The following PCDHA7 variants were observed in gnomAD, a reference collection of about 807,000 sequenced individuals.
PCDHA7 encodes the protein protocadherin alpha-7.
A neutral mutation model predicts 57.2 loss-of-function variants in PCDHA7; 37 were observed. That is an observed-to-expected ratio of 0.65 (90% CI 0.50 to 0.85). PCDHA7 has a LOEUF of 0.85. Ranked by LOEUF, PCDHA7 falls within the 40% of genes least tolerant of loss-of-function variation. The probability of loss-of-function intolerance (pLI) is 0.00; values close to 1 mark genes in which losing one functional copy is unlikely to be tolerated. For missense variants in PCDHA7, 1,188 were observed against 1,241.8 expected (o/e 0.96, Z 0.65); for synonymous variants, 553 against 558.8 (o/e 0.99, Z 0.15).
intron 1 of PCDHA7, chr5:140,966,570 G>A: frequency 2.0e-6 from 1 of 501,774 alleles, no homozygotes; most frequent in Non-Finnish European, 3.3e-6. Context: ...GGAATATGGG[G>A]AGTCAGCGAG....
intron 1 of PCDHA7, among the ~76,000 whole-genome samples, chr5:140,973,426 C>T (rs1554235288): frequency 6.6e-6 from 1 of 152,192 alleles, no homozygotes; most frequent in East Asian, 1.9e-4. Flanking sequence ...GTTTTTCATC[C>T]TCTGATGGTC....
intron 1 of PCDHA7, among the ~76,000 whole-genome samples, chr5:140,938,194 C>T (rs782229712): frequency 5.9e-5 from 9 of 152,206 alleles, no homozygotes; most frequent in South Asian, 2.1e-4. Context: ...AATCCTCCCA[C>T]GCCAGCCTCC....
intron 1 of PCDHA7, chr5:140,862,036 A>G (rs1554155572): frequency 6.4e-6 from 1 of 155,636 alleles, no homozygotes; most frequent in African/African-American, 2.4e-5. Flanking sequence ...CGAGGGTTCA[A>G]ACCGTCACAT....
At chr5:140,926,583 G>C in intron 1 of PCDHA7, 1 of 279,462 alleles carries the variant, frequency 3.6e-6, no homozygotes, top group Non-Finnish European at 6.6e-6. Context: ...AGCACCTCTC[G>C]CGCCCGGGCG....
At chr5:140,872,550 C>T (rs1319043831) in intron 1 of PCDHA7, among the ~76,000 whole-genome samples, 1 of 152,046 alleles carries the variant, frequency 6.6e-6, no homozygotes, top group African/African-American at 2.4e-5. Context: ...TCCCCTGAAC[C>T]CAGGGGTTCA....
At chr5:140,931,547 T>C (rs2087587732) in intron 1 of PCDHA7, among the ~76,000 whole-genome samples, 1 of 152,064 alleles carries the variant, frequency 6.6e-6, no homozygotes, top group Admixed American at 6.5e-5. Flanking sequence ...ACTGTTCATA[T>C]GTGCAGGAAT....
At chr5:140,999,806 A>G (rs1230100139) in intron 3 of PCDHA7, among the ~76,000 whole-genome samples, 1 of 152,152 alleles carries the variant, frequency 6.6e-6, no homozygotes, top group African/African-American at 2.4e-5. Context: ...TTTGGGCACA[A>G]AGCAAGAGCT....
chr5:140,930,055 A>G (rs1249446079), intron 1 of PCDHA7: 2 of 152,206 alleles, frequency 1.3e-5, no homozygotes, highest in Admixed American at 6.5e-5. Context: ...GTTTTTGCTT[A>G]CACAAAAACT....
chr5:140,841,647 T>A (rs1580971695), intron 1 of PCDHA7: 1 of 1,614,144 alleles, frequency 6.2e-7, no homozygotes, highest in East Asian at 2.2e-5. Context: ...CTGGAGGTGA[T>A]CGTGGACAGG....
At chr5:140,853,269 C>G (rs1458321470) in intron 1 of PCDHA7, 2 of 975,966 alleles carry the variant, frequency 2.0e-6, no homozygotes, top group African/African-American at 1.8e-5. Flanking sequence ...AGAGTACAAG[C>G]TCTCATCATA....
intron 3 of PCDHA7, among the ~76,000 whole-genome samples, chr5:140,994,353 C>T (rs1321687113): frequency 6.6e-6 from 1 of 152,110 alleles, no homozygotes; most frequent in East Asian, 1.9e-4. Flanking sequence ...TGTGGGACCT[C>T]AGAAGATGGA....
chr5:140,845,639 C>T (rs1007088730), intron 1 of PCDHA7, among the ~76,000 whole-genome samples: 1 of 149,600 alleles, frequency 6.7e-6, no homozygotes, highest in East Asian at 1.9e-4. Context: ...AAATCAAGTC[C>T]TCCCTTTACC....
chr5:140,947,668 T>A (rs2094160892), intron 1 of PCDHA7, among the ~76,000 whole-genome samples: 1 of 151,602 alleles, frequency 6.6e-6, no homozygotes, highest in Admixed American at 6.6e-5. Flanking sequence ...TACTTGGGTC[T>A]TTAAAAAATT....
chr5:140,884,433 G>T, intron 1 of PCDHA7: 1 of 1,613,908 alleles, frequency 6.2e-7, no homozygotes, highest in Admixed American at 1.7e-5. Context: ...ACTGCGCTGC[G>T]GTGCTCGGCA....
At chr5:140,883,675 G>T (rs782140381) in intron 1 of PCDHA7, 5 of 1,613,894 alleles carry the variant, frequency 3.1e-6, no homozygotes, top group Non-Finnish European at 4.2e-6. Context: ...AAAACAATCC[G>T]CCGGGCTGCC....
chr5:140,883,175 A>G lies in PCDHA7; in HGVS notation c.2355+46437A>G, dbSNP rs1554177014. ...CATAAATCCGAACAATGGAGAAATTAGGACAAAAGGCAAACTAGATTTCGA... is the reference window on the plus strand; with the variant it reads ...CATAAATCCGAACAATGGAGAAATTGGGACAAAAGGCAAACTAGATTTCGA... On this transcript the variant is annotated intron_variant, in intron 1 of 3. Coordinates refer to ENST00000525929, the MANE Select transcript of PCDHA7 (RefSeq NM_018910.3). 3 of 1,614,060 alleles carry G rather than the reference A, an allele frequency of 1.9e-6. No individual in the cohort carries two copies. Among genetic ancestry groups the G allele is most frequent in the East Asian group, 4.5e-5 (2 of 44,892 alleles).
At chr5:140,983,299 A>T (rs1554245269) in intron 3 of PCDHA7, among the ~76,000 whole-genome samples, 1 of 152,186 alleles carries the variant, frequency 6.6e-6, no homozygotes. Flanking sequence ...GCTTAAACTC[A>T]CATTTGCTTG....
intron 1 of PCDHA7, among the ~76,000 whole-genome samples, chr5:140,909,091 C>T: frequency 6.6e-6 from 1 of 152,220 alleles, no homozygotes; most frequent in Non-Finnish European, 1.5e-5. Flanking sequence ...TGCTACTTCT[C>T]ACTCACTGGG....
At chr5:140,980,595 A>G (rs2096897056) in intron 2 of PCDHA7, among the ~76,000 whole-genome samples, 1 of 152,222 alleles carries the variant, frequency 6.6e-6, no homozygotes, top group South Asian at 2.1e-4. Context: ...GAGCCACTGC[A>G]CTCCAGCCTG....
Sources: gnomAD v4.1 joint callset for allele counts (sites outside exome capture counted in the v4.1 genomes callset) on GRCh38, gnomAD v4.1.1 for gene constraint, MANE v1.5 for transcripts, NCBI Gene and HGNC (gene_info 2026-07-23, HGNC 2026-07-21) for gene names.